ALDH1L2: variants seen among roughly 807,000 people sequenced by gnomAD.
The protein encoded by ALDH1L2 is mitochondrial 10-formyltetrahydrofolate dehydrogenase.
Under a neutral mutation model 111.0 loss-of-function variants are expected in ALDH1L2, and 91 were observed. The observed-to-expected ratio is 0.82, with a 90% CI of 0.69 to 0.98. The LOEUF (loss-of-function observed/expected upper bound fraction) is 0.98, where lower values mean the gene tolerates loss of function less well. ALDH1L2 is among the 50% of genes least tolerant of loss of function. The pLI, the probability that ALDH1L2 is intolerant of heterozygous loss-of-function variation, is 0.00. For missense variants in ALDH1L2, 995 were observed against 1,126.8 expected, an observed-to-expected ratio of 0.88 and a Z score of 1.67; for synonymous variants, 374 against 392.6, an observed-to-expected ratio of 0.95 and a Z score of 0.56.
intron 6 of ALDH1L2, 97 bp downstream of exon 6, chr12:105,065,170 C>G: frequency 1.3e-6 from 1 of 788,508 alleles, no homozygotes; most frequent in African/African-American, 1.8e-5. Context: ...GCCTCATGAC[C>G]AAGGAAGAAC....
At chr12:105,031,051 A>AT (rs1565949245) in intron 20 of ALDH1L2, among the ~76,000 whole-genome samples, 1 of 152,106 alleles carries the variant, frequency 6.6e-6, no homozygotes, top group East Asian at 1.9e-4. Flanking sequence ...TTGTTTATAC[A>AT]TTATCTTTCT....
At chr12:105,081,517 A>G (rs986854079) in intron 1 of ALDH1L2, among the ~76,000 whole-genome samples, 3 of 152,208 alleles carry the variant, frequency 2.0e-5, no homozygotes, top group African/African-American at 4.8e-5. Context: ...TACCAGACAG[A>G]CCTGACCCAG....
intron 10 of ALDH1L2, among the ~76,000 whole-genome samples, chr12:105,055,540 A>G (rs1876562417): frequency 6.6e-6 from 1 of 152,182 alleles, no homozygotes; most frequent in South Asian, 2.1e-4. Context: ...GAGAAACAGG[A>G]AAGTATGGCC....
At chr12:105,057,735 T>C in intron 10 of ALDH1L2, among the ~76,000 whole-genome samples, 1 of 152,230 alleles carries the variant, frequency 6.6e-6, no homozygotes, top group East Asian at 1.9e-4. Context: ...TAGCATTTTC[T>C]AGGAACTATC....
chr12:105,046,688 A>G (rs200510766), intron 15 of ALDH1L2, 22 bp downstream of exon 15: 1 of 1,602,960 alleles, frequency 6.2e-7, no homozygotes, highest in East Asian at 2.2e-5. Context: ...GCAATTCTGC[A>G]CCTGGCCCTT....
intron 1 of ALDH1L2, among the ~76,000 whole-genome samples, chr12:105,074,789 G>A (rs1166395630): frequency 1.3e-5 from 2 of 151,916 alleles, no homozygotes; most frequent in African/African-American, 2.4e-5. Flanking sequence ...TTTAGGAATG[G>A]ACTTAAAAGG....
chr12:105,053,055 T>C, intron 10 of ALDH1L2, 124 bp from the exon 11 acceptor site: 1 of 1,141,900 alleles, frequency 8.8e-7, no homozygotes, highest in Non-Finnish European at 1.2e-6. Flanking sequence ...GTTCCGACTG[T>C]ACAGAAGACA....
At chr12:105,051,969 A>T (rs1876299760) in intron 12 of ALDH1L2, 121 bp downstream of exon 12, 1 of 903,568 alleles carries the variant, frequency 1.1e-6, no homozygotes. Flanking sequence ...GCACTTTGGG[A>T]GGCTGAGGCA....
intron 10 of ALDH1L2, among the ~76,000 whole-genome samples, chr12:105,055,562 GAAA>G (rs369871678): frequency 6.6e-6 from 1 of 151,606 alleles, no homozygotes; most frequent in African/African-American, 2.4e-5. Context: ...ATAAACAGGT[GAAA>G]AAAAAGCAGC....
intron 1 of ALDH1L2, among the ~76,000 whole-genome samples, chr12:105,077,655 AAT>A (rs1287811026): frequency 2.0e-5 from 3 of 151,888 alleles, no homozygotes; most frequent in Admixed American, 6.6e-5. Flanking sequence ...CAAATTGTCA[AAT>A]AATGCATTCC....
At chr12:105,051,301 G>A (rs1019769655) in intron 12 of ALDH1L2, among the ~76,000 whole-genome samples, 12 of 152,188 alleles carry the variant, frequency 7.9e-5, no homozygotes, top group African/African-American at 2.9e-4. Flanking sequence ...CCACTGGGAG[G>A]CACCCGCAGA....
At chr12:105,031,983 GGA>G in intron 19 of ALDH1L2, 49 bp from the exon 20 acceptor site, 1 of 1,587,314 alleles carries the variant, frequency 6.3e-7, no homozygotes, top group Non-Finnish European at 8.6e-7. Context: ...TAATAATAAT[GGA>G]GTTTCTACCA....
intron 21 of ALDH1L2, among the ~76,000 whole-genome samples, chr12:105,027,248 C>T (rs1404573946): frequency 1.3e-5 from 2 of 152,238 alleles, no homozygotes; most frequent in Admixed American, 6.5e-5. Flanking sequence ...ACTAGTATTA[C>T]ATTTTTCATA....
chr12:105,059,455 C>T (rs1255445289), intron 9 of ALDH1L2, among the ~76,000 whole-genome samples: 2 of 152,048 alleles, frequency 1.3e-5, no homozygotes, highest in Admixed American at 6.5e-5. Flanking sequence ...CACCACTGCA[C>T]TCCAGCCTAG....
Position 105,066,664 on chromosome 12 carries a change from T to G in ALDH1L2, c.600A>C (p.Glu200Asp). The G allele has an allele frequency of 6.2e-7, 1 of 1,614,128 alleles. No individual in the cohort carries two copies. The highest frequency in any genetic ancestry group is 8.5e-7 in the Non-Finnish European group (1 of 1,179,990). ...TTCCATCAGCTATGAGTTGGACAGC[T>G]TCTACCTAAGGCCAAAGACATCACC... ...LFPEGIKAMV[E>D]AVQLIADGKA... Residue 200 changes from glutamate to aspartate, a missense_variant, in exon 5 of 23, where the codon GAA becomes GAC. Physicochemically the swap from Glu to Asp is conservative, Grantham distance 45. Transcript: ENST00000258494.
At chr12:105,035,707 T>C (rs1036481081) in intron 18 of ALDH1L2, among the ~76,000 whole-genome samples, 2 of 151,750 alleles carry the variant, frequency 1.3e-5, no homozygotes, top group Non-Finnish European at 2.9e-5. Flanking sequence ...ATCTTTGAAA[T>C]GAAGGCACTC....
At chr12:105,034,594 T>C (rs1485593630) in intron 18 of ALDH1L2, among the ~76,000 whole-genome samples, 196 bp from the exon 19 acceptor site, 1 of 152,176 alleles carries the variant, frequency 6.6e-6, no homozygotes, top group African/African-American at 2.4e-5. Context: ...ATTTGAGAGA[T>C]TTTGTTTATC....
At chr12:105,070,477 G>A in intron 3 of ALDH1L2, 93 bp downstream of exon 3, 2 of 1,067,142 alleles carry the variant, frequency 1.9e-6, no homozygotes, top group Non-Finnish European at 2.7e-6. Flanking sequence ...GGCTGAGGCA[G>A]AAGGATCATT....
intron 4 of ALDH1L2, among the ~76,000 whole-genome samples, chr12:105,067,074 G>A (rs779661334): frequency 1.3e-5 from 2 of 151,958 alleles, no homozygotes; most frequent in Non-Finnish European, 2.9e-5. Context: ...AAATCAGCCG[G>A]GCGTGGTGGT....
Sources: gnomAD v4.1 joint callset for allele counts (sites outside exome capture counted in the v4.1 genomes callset) on GRCh38, gnomAD v4.1.1 for gene constraint, MANE v1.5 for transcripts, NCBI Gene and HGNC (gene_info 2026-07-23, HGNC 2026-07-21) for gene names.